NUMB: variants seen among roughly 807,000 people sequenced by gnomAD.
NUMB encodes protein numb homolog.
NUMB carries 29 observed loss-of-function variants against 59.7 expected under a neutral mutation model. That is an observed-to-expected ratio of 0.49 (90% confidence interval 0.36 to 0.66). The LOEUF (loss-of-function observed/expected upper bound fraction) is 0.66, where lower values mean the gene tolerates loss of function less well. Among genes scored for constraint, NUMB ranks in the 30% least tolerant of loss-of-function variants. The pLI is 0.00. For missense variants in NUMB, 723 were observed against 822.0 expected (o/e 0.88, Z 1.47); for synonymous variants, 288 against 288.2 (o/e 1.00, Z 0.01).
chr14:73,311,357 G>A (rs892274562), intron 6 of NUMB, among the ~76,000 whole-genome samples: 2 of 152,108 alleles, frequency 1.3e-5, no homozygotes, highest in Admixed American at 1.3e-4. Context: ...CCCGGCCACG[G>A]CAATGAGCAA....
intron 4 of NUMB, among the ~76,000 whole-genome samples, chr14:73,326,643 A>G (rs1891678834): frequency 6.6e-6 from 1 of 152,152 alleles, no homozygotes; most frequent in African/African-American, 2.4e-5. Context: ...AAAGAAAAAA[A>G]AAAGAAAAAG....
At chr14:73,445,546 G>C (rs2140197086) in intron 1 of NUMB, among the ~76,000 whole-genome samples, 1 of 152,042 alleles carries the variant, frequency 6.6e-6, no homozygotes. Flanking sequence ...TAATATACAA[G>C]ACTCTTTTCC....
chr14:73,426,327 G>A lies in NUMB; in HGVS notation c.-232-16259C>T, dbSNP rs1897574908. Reference sequence around the variant, plus strand: ...CAAAGTGGTAAGGCCTCTGAAGCCAGAGGCCTACTGGGCTCCTGGTTCAGA... The same window carrying A: ...CAAAGTGGTAAGGCCTCTGAAGCCAAAGGCCTACTGGGCTCCTGGTTCAGA... On this transcript the variant is annotated intron_variant, in intron 1 of 12. Coordinates refer to ENST00000555238, the MANE Select transcript of NUMB (RefSeq NM_001005743.2). Among the ~76,000 whole-genome samples the A allele has an allele frequency of 2.0e-5, 3 of 152,170 alleles. No individual in the cohort carries two copies. The South Asian group carries it at 6.2e-4, about 32-fold the overall frequency.
chr14:73,386,164 G>A (rs1194998188), intron 2 of NUMB, among the ~76,000 whole-genome samples: 1 of 152,064 alleles, frequency 6.6e-6, no homozygotes, highest in Non-Finnish European at 1.5e-5. Flanking sequence ...CTTGAGGCCA[G>A]GAGTTTGAGA....
At chr14:73,352,423 AATAT>A (rs575830888) in intron 4 of NUMB, among the ~76,000 whole-genome samples, 1 of 77,814 alleles carries the variant, frequency 1.3e-5, no homozygotes, top group East Asian at 3.0e-4. Context: ...GGGTTGTAAT[AATAT>A]ATATATACAC....
chr14:73,424,167 T>A (rs73310925), intron 1 of NUMB, among the ~76,000 whole-genome samples: 9,227 of 152,066 alleles, frequency 0.061, 718 homozygotes, highest in African/African-American at 0.17. Flanking sequence ...ATATGAGAAA[T>A]TTTTAAATAT....
intron 4 of NUMB, among the ~76,000 whole-genome samples, chr14:73,353,080 T>C (rs1401212137): frequency 0.052 from 5,000 of 96,930 alleles, 1,040 homozygotes; most frequent in African/African-American, 0.2. Flanking sequence ...TTGTTTTTTT[T>C]TTTTTTTTTT....
chr14:73,426,377 C>T (rs2140160375), intron 1 of NUMB, among the ~76,000 whole-genome samples: 1 of 152,226 alleles, frequency 6.6e-6, no homozygotes, highest in South Asian at 2.1e-4. Context: ...GGGAGTCTGG[C>T]TTCCTTGGGG....
chr14:73,368,159 A>G (rs1489766532), intron 2 of NUMB, among the ~76,000 whole-genome samples: 6 of 152,156 alleles, frequency 3.9e-5, no homozygotes, highest in Non-Finnish European at 8.8e-5. Flanking sequence ...CAGAACTGGG[A>G]TTTGGCTTTC....
intron 1 of NUMB, among the ~76,000 whole-genome samples, chr14:73,415,848 T>C (rs1314325328): frequency 1.3e-5 from 2 of 152,170 alleles, no homozygotes; most frequent in African/African-American, 4.8e-5. Flanking sequence ...GTAGTAATTA[T>C]GCAATACTTT....
At chr14:73,439,594 C>A (rs1047646351) in intron 1 of NUMB, among the ~76,000 whole-genome samples, 1 of 152,114 alleles carries the variant, frequency 6.6e-6, no homozygotes, top group Non-Finnish European at 1.5e-5. Context: ...ACAATCTTTA[C>A]AACACTTCTA....
intron 4 of NUMB, among the ~76,000 whole-genome samples, chr14:73,346,558 A>T (rs1946173117): frequency 6.6e-6 from 1 of 152,136 alleles, no homozygotes; most frequent in Non-Finnish European, 1.5e-5. Context: ...TACTTTAATT[A>T]ATCATTACTG....
intron 1 of NUMB, among the ~76,000 whole-genome samples, chr14:73,449,438 T>C (rs1214232648): frequency 6.6e-6 from 1 of 152,192 alleles, no homozygotes; most frequent in Non-Finnish European, 1.5e-5. Context: ...TAAATACTTA[T>C]ACTGTATTTA....
intron 1 of NUMB, among the ~76,000 whole-genome samples, chr14:73,448,723 T>C (rs970511204): frequency 1.3e-5 from 2 of 152,204 alleles, no homozygotes; most frequent in Non-Finnish European, 2.9e-5. Flanking sequence ...ATGATTTTAA[T>C]AACAAAATCA....
chr14:73,432,133 T>C (rs1404385749), intron 1 of NUMB, among the ~76,000 whole-genome samples: 2 of 152,066 alleles, frequency 1.3e-5, no homozygotes, highest in Admixed American at 6.6e-5. Context: ...ACCAATCAAA[T>C]CTCCAAAGAG....
intron 6 of NUMB, among the ~76,000 whole-genome samples, chr14:73,301,311 C>CAG (rs1389270681): frequency 6.6e-6 from 1 of 152,150 alleles, no homozygotes; most frequent in East Asian, 1.9e-4. Flanking sequence ...TCTGAGGCAA[C>CAG]AGATAGGACT....
intron 1 of NUMB, among the ~76,000 whole-genome samples, chr14:73,438,224 TATTC>T (rs1348466714): frequency 2.0e-5 from 3 of 152,212 alleles, no homozygotes; most frequent in Non-Finnish European, 2.9e-5. Context: ...TATTTAGCAA[TATTC>T]ATTGTGTTTT....
At chr14:73,385,305 A>ATTTTTT (rs1374002560) in intron 2 of NUMB, among the ~76,000 whole-genome samples, 1 of 102,656 alleles carries the variant, frequency 9.7e-6, no homozygotes, top group Non-Finnish European at 2.0e-5. Context: ...ATACCAGTTA[A>ATTTTTT]TTCTTTTTTT....
Position 73,355,614 on chromosome 14 carries a change from A to T in NUMB, c.126+12T>A. On this transcript the variant is annotated intron_variant, in intron 4 of 12. Coordinates refer to ENST00000555238, the MANE Select transcript of NUMB (RefSeq NM_001005743.2). The stretch of plus-strand genomic sequence containing the variant: ...TTTCCACATACAGACTTATAGAAAC[A>T]TCAGCTCTTACCTTAACCGGGAAGC... 1 of 1,608,874 alleles carries T rather than the reference A, an allele frequency of 6.2e-7. No individual in the cohort carries two copies. The highest frequency in any genetic ancestry group is 8.5e-7 in the Non-Finnish European group (1 of 1,178,484).
Sources: allele counts gnomAD v4.1 joint callset (sites outside exome capture counted in the v4.1 genomes callset), GRCh38; gene constraint gnomAD v4.1.1; transcripts MANE v1.5; gene names NCBI Gene and HGNC (gene_info 2026-07-23, HGNC 2026-07-21).